Variants in ARHGEF38 observed in about 807,000 individuals in gnomAD.
ARHGEF38 encodes Rho guanine nucleotide exchange factor 38.
ARHGEF38 carries 79 observed loss-of-function variants against 79.9 expected under a neutral mutation model. The ratio of observed to expected loss-of-function variants is 0.99; its 90% CI spans 0.82 to 1.19. The LOEUF (loss-of-function observed/expected upper bound fraction) is 1.19, where lower values mean the gene tolerates loss of function less well. Ranked by LOEUF, ARHGEF38 falls within the 50% of genes most tolerant of loss-of-function variation. The pLI, the probability that ARHGEF38 is intolerant of heterozygous loss-of-function variation, is 0.00. For synonymous variants in ARHGEF38, 366 were observed against 328.3 expected (o/e 1.11, Z -1.24); for missense variants, 962 against 907.2 (o/e 1.06, Z -0.78).
chr4:105,673,324 C>T (rs182567677), intron 13 of ARHGEF38, among the ~76,000 whole-genome samples: 1 of 152,220 alleles, frequency 6.6e-6, no homozygotes, highest in Admixed American at 6.5e-5. Context: ...TCAAAAAGGA[C>T]TAGGTTTAAT....
chr4:105,642,664 G>A (rs891098649), intron 5 of ARHGEF38, among the ~76,000 whole-genome samples: 2 of 152,146 alleles, frequency 1.3e-5, no homozygotes, highest in Non-Finnish European at 2.9e-5. Flanking sequence ...CAGGAAAGAG[G>A]CAAAGAGAAT....
intron 13 of ARHGEF38, among the ~76,000 whole-genome samples, chr4:105,677,522 A>G (rs1006990922): frequency 1.3e-5 from 2 of 152,210 alleles, no homozygotes; most frequent in Non-Finnish European, 1.5e-5. Flanking sequence ...GTTGCCTTCA[A>G]GCATGGACAA....
chr4:105,653,317 C>T (rs1482800224), intron 7 of ARHGEF38, among the ~76,000 whole-genome samples: 1 of 151,030 alleles, frequency 6.6e-6, no homozygotes, highest in South Asian at 2.1e-4. Context: ...AAAGAATTTT[C>T]ACATTTCTTT....
intron 3 of ARHGEF38, among the ~76,000 whole-genome samples, chr4:105,618,495 C>T (rs1380620125): frequency 1.3e-5 from 2 of 150,446 alleles, no homozygotes; most frequent in Admixed American, 6.6e-5. Flanking sequence ...GTGGCACGCA[C>T]CTGTAGTCCC....
intron 10 of ARHGEF38, among the ~76,000 whole-genome samples, chr4:105,663,464 A>G (rs971725726): frequency 7.3e-5 from 11 of 151,220 alleles, no homozygotes; most frequent in African/African-American, 2.7e-4. Flanking sequence ...AAGTCCCCAT[A>G]CTCCCCTCCC....
Position 105,608,339 on chromosome 4 carries a change from A to G in ARHGEF38, c.385-5045A>G, listed in dbSNP as rs534817825. ...TAGTGATATTGAGCATTAAATACCT[A>G]TTGACCACTTTTATGTCTTCTTTTG... On this transcript the variant is annotated intron_variant, in intron 2 of 13. Transcript: ENST00000420470. Among the ~76,000 whole-genome samples, 17 of 152,144 alleles carry G rather than the reference A, an allele frequency of 1.1e-4. No homozygotes were observed. The South Asian group carries it at 2.9e-3, about 26-fold the overall frequency.
chr4:105,681,811 T>G (rs975067995), downstream of ARHGEF38, among the ~76,000 whole-genome samples: 1 of 152,182 alleles, frequency 6.6e-6, no homozygotes, highest in Admixed American at 6.6e-5. Context: ...GAATTAATCA[T>G]TATATAGGAG....
At chr4:105,575,369 T>A (rs1370108448) in intron 1 of ARHGEF38, among the ~76,000 whole-genome samples, 2 of 152,214 alleles carry the variant, frequency 1.3e-5, no homozygotes, top group Admixed American at 6.5e-5. Flanking sequence ...TAAGATGGTA[T>A]CCCATTGTGG....
chr4:105,663,097 T>A (rs987165565), intron 10 of ARHGEF38, among the ~76,000 whole-genome samples: 1 of 152,188 alleles, frequency 6.6e-6, no homozygotes, highest in Non-Finnish European at 1.5e-5. Flanking sequence ...GGAGATCCTG[T>A]ACAACCCTCA....
At chr4:105,585,402 C>G (rs1418783147) in intron 1 of ARHGEF38, among the ~76,000 whole-genome samples, 1 of 152,140 alleles carries the variant, frequency 6.6e-6, no homozygotes, top group Non-Finnish European at 1.5e-5. Flanking sequence ...TATCCTTTTC[C>G]CAAACTGCAA....
At chr4:105,576,407 C>CTTTTTTTTT (rs35502329) in intron 1 of ARHGEF38, among the ~76,000 whole-genome samples, 1 of 128,366 alleles carries the variant, frequency 7.8e-6, no homozygotes, top group African/African-American at 2.9e-5. Flanking sequence ...TTCTTTTCTT[C>CTTTTTTTTT]TTTTTTTTTT....
intron 13 of ARHGEF38, among the ~76,000 whole-genome samples, chr4:105,670,599 A>G (rs1730926765): frequency 6.6e-6 from 1 of 152,010 alleles, no homozygotes; most frequent in Non-Finnish European, 1.5e-5. Flanking sequence ...CTGACTCTTA[A>G]CTTGTCTGGA....
At chr4:105,631,422 G>A in intron 4 of ARHGEF38, 1 of 988,800 alleles carries the variant, frequency 1.0e-6, no homozygotes, top group Non-Finnish European at 1.2e-6. Flanking sequence ...ATGGGTTAAT[G>A]GAGTTAGGGG....
intron 2 of ARHGEF38, among the ~76,000 whole-genome samples, chr4:105,590,613 T>TG (rs1727291476): frequency 1.3e-5 from 2 of 152,188 alleles, no homozygotes; most frequent in African/African-American, 4.8e-5. Flanking sequence ...ACTATTACAG[T>TG]GGTTGAGATG....
chr4:105,669,871 T>C (rs940305590), intron 13 of ARHGEF38, among the ~76,000 whole-genome samples: 2 of 152,220 alleles, frequency 1.3e-5, no homozygotes, highest in Admixed American at 1.3e-4. Flanking sequence ...CTGTATCTTT[T>C]GTATAAACAA....
chr4:105,626,820 GA>G (rs1728967611), intron 3 of ARHGEF38, among the ~76,000 whole-genome samples: 1 of 151,514 alleles, frequency 6.6e-6, no homozygotes, highest in African/African-American at 2.4e-5. Context: ...GGCCCTTCAT[GA>G]TCTGGCCCCA....
chr4:105,667,499 G>T lies in ARHGEF38; in HGVS notation c.1944G>T (p.Met648Ile). The T allele has an allele frequency of 2.6e-6, 4 of 1,536,406 alleles. No individual in the cohort carries two copies. The highest frequency in any genetic ancestry group is 3.5e-6 in the Non-Finnish European group (4 of 1,146,984). Residue 648 changes from methionine to isoleucine, a missense_variant, in exon 13 of 14, where the codon ATG (methionine) becomes ATT (isoleucine). Transcript: ENST00000420470. The stretch of plus-strand genomic sequence containing the variant: ...TAAAACCCTACAATCCAGCAAAAAT[G>T]CAGAAAGTGGATGCTGAGAACAGGT... ...SFLKPYNPAK[M>I]QKVDAENRFC... is the part of the protein sequence containing the mutation.
chr4:105,681,798 C>T (rs72969241), downstream of ARHGEF38, among the ~76,000 whole-genome samples: 941 of 152,234 alleles, frequency 6.2e-3, 8 homozygotes, highest in African/African-American at 0.021. Flanking sequence ...AAAACAATCT[C>T]AAGAATTAAT....
In ARHGEF38 at chr4:105,659,345, G is replaced by T. The variant is rs1730469782; in HGVS notation, c.1525G>T (p.Ala509Ser). ...GGACCTGATGCTCGTGGCACAGCAGGCTTACTCCACACTTGTGCCGGTAAG... is the reference window on the plus strand; with the variant it reads ...GGACCTGATGCTCGTGGCACAGCAGTCTTACTCCACACTTGTGCCGGTAAG... The part of the protein sequence containing the change: ...LRDLMLVAQQ[A>S]YSTLVPMPLL... Residue 509 changes from alanine to serine, a missense_variant, in exon 10 of 14, where the codon GCT becomes TCT. Physicochemically the swap from Ala to Ser is moderately conservative, Grantham distance 99. Coordinates refer to ENST00000420470, the MANE Select transcript of ARHGEF38 (RefSeq NM_001242729.2). 1 of 1,534,902 alleles carries T rather than the reference G, an allele frequency of 6.5e-7. No homozygotes were observed. Among genetic ancestry groups the T allele is most frequent in the Non-Finnish European group, 8.7e-7 (1 of 1,146,646 alleles).
Sources: gnomAD v4.1 joint callset for allele counts (sites outside exome capture counted in the v4.1 genomes callset) on GRCh38, gnomAD v4.1.1 for gene constraint, MANE v1.5 for transcripts, NCBI Gene and HGNC (gene_info 2026-07-23, HGNC 2026-07-21) for gene names.